The following KCNH8 variants were observed in gnomAD, a reference collection of about 807,000 sequenced individuals.
KCNH8 encodes voltage-gated delayed rectifier potassium channel KCNH8.
KCNH8 carries 70 observed loss-of-function variants against 103.6 expected under a neutral mutation model. That is an observed-to-expected ratio of 0.68 (90% CI 0.56 to 0.82). The LOEUF (loss-of-function observed/expected upper bound fraction) is 0.82. KCNH8 is among the 40% of genes least tolerant of loss of function. KCNH8 has a pLI of 0.00. For synonymous variants in KCNH8, 498 were observed against 489.4 expected, an observed-to-expected ratio of 1.02 and a Z score of -0.23; for missense variants, 1,217 against 1,329.9, an observed-to-expected ratio of 0.92 and a Z score of 1.32.
intron 1 of KCNH8, among the ~76,000 whole-genome samples, chr3:19,196,596 G>A (rs924464248): frequency 6.6e-6 from 1 of 151,960 alleles, no homozygotes; most frequent in Non-Finnish European, 1.5e-5. Flanking sequence ...GTGGAAAGTG[G>A]ATAGAAGTGC....
intron 7 of KCNH8, among the ~76,000 whole-genome samples, chr3:19,406,700 A>G (rs1159618903): frequency 6.6e-6 from 1 of 152,128 alleles, no homozygotes; most frequent in Non-Finnish European, 1.5e-5. Flanking sequence ...ACTGTAGCCC[A>G]TAGATGCACA....
chr3:19,366,420 T>C (rs2066011279), intron 5 of KCNH8, among the ~76,000 whole-genome samples: 2 of 152,084 alleles, frequency 1.3e-5, no homozygotes, highest in Non-Finnish European at 2.9e-5. Context: ...TTCTGCCTTA[T>C]GACATATATT....
intron 1 of KCNH8, among the ~76,000 whole-genome samples, chr3:19,200,047 T>C (rs961873548): frequency 6.6e-6 from 1 of 152,118 alleles, no homozygotes; most frequent in Non-Finnish European, 1.5e-5. Context: ...AATGAATTCC[T>C]AAGCCTGACA....
chr3:19,473,120 C>G (rs980082917), intron 11 of KCNH8, among the ~76,000 whole-genome samples: 1 of 152,126 alleles, frequency 6.6e-6, no homozygotes, highest in African/African-American at 2.4e-5. Context: ...AGAATAAAAT[C>G]AAGTCAAACT....
chr3:19,483,865 G>A (rs1380413303), intron 11 of KCNH8, among the ~76,000 whole-genome samples: 4 of 150,650 alleles, frequency 2.7e-5, no homozygotes, highest in African/African-American at 1.0e-4. Context: ...TACAGGAAGG[G>A]CCATTTTTTT....
At chr3:19,486,143 A>C (rs991758393) in intron 11 of KCNH8, among the ~76,000 whole-genome samples, 1 of 152,216 alleles carries the variant, frequency 6.6e-6, no homozygotes, top group Non-Finnish European at 1.5e-5. Context: ...TCCCATCTAC[A>C]TATAACTCCC....
At chr3:19,511,702 G>A (rs554488238) in intron 12 of KCNH8, among the ~76,000 whole-genome samples, 20 of 152,068 alleles carry the variant, frequency 1.3e-4, no homozygotes, top group African/African-American at 3.9e-4. Context: ...GTATGCCCTC[G>A]TCATTAATTA....
At chr3:19,512,216 T>A (rs2068794981) in intron 12 of KCNH8, among the ~76,000 whole-genome samples, 1 of 152,100 alleles carries the variant, frequency 6.6e-6, no homozygotes, top group Non-Finnish European at 1.5e-5. Flanking sequence ...GCCCTGGCCC[T>A]TCCATCATCA....
intron 3 of KCNH8, among the ~76,000 whole-genome samples, chr3:19,302,176 G>T (rs918694494): frequency 1.3e-5 from 2 of 152,064 alleles, no homozygotes; most frequent in African/African-American, 4.8e-5. Flanking sequence ...TCAAGTGATT[G>T]GTTCCTCTGG....
At chr3:19,412,979 A>C (rs2066804752) in intron 7 of KCNH8, among the ~76,000 whole-genome samples, 1 of 152,136 alleles carries the variant, frequency 6.6e-6, no homozygotes, top group South Asian at 2.1e-4. Flanking sequence ...AATTTAAAAC[A>C]GAACTACCAT....
At chr3:19,412,697 C>T (rs912802341) in intron 7 of KCNH8, among the ~76,000 whole-genome samples, 3 of 151,110 alleles carry the variant, frequency 2.0e-5, no homozygotes, top group African/African-American at 7.3e-5. Flanking sequence ...AAGCAAAAGA[C>T]AATTTAAAAA....
intron 2 of KCNH8, among the ~76,000 whole-genome samples, chr3:19,268,288 C>T (rs7645122): frequency 0.12 from 18,622 of 151,992 alleles, 3,585 homozygotes; most frequent in African/African-American, 0.41. Context: ...CAAGGAAAAC[C>T]TCATCAAGGA....
At chr3:19,358,700 A>G (rs1304787886) in intron 5 of KCNH8, among the ~76,000 whole-genome samples, 4 of 151,930 alleles carry the variant, frequency 2.6e-5, no homozygotes, top group African/African-American at 9.7e-5. Context: ...ATACATAGAA[A>G]CCAAAATTCT....
intron 1 of KCNH8, among the ~76,000 whole-genome samples, chr3:19,192,528 A>G (rs962853048): frequency 1.1e-4 from 17 of 151,672 alleles, no homozygotes; most frequent in Non-Finnish European, 1.8e-4. Context: ...TCTGCTTTAT[A>G]TCTTCCAGGA....
intron 1 of KCNH8, among the ~76,000 whole-genome samples, chr3:19,156,401 G>A (rs931783607): frequency 2.0e-5 from 3 of 152,092 alleles, no homozygotes; most frequent in African/African-American, 7.2e-5. Context: ...GTGGTTTGTG[G>A]TATCGTTTCT....
chr3:19,460,326 G>A lies in KCNH8; in HGVS notation c.2040+3344G>A, dbSNP rs189973642. On this transcript the variant is annotated intron_variant, in intron 11 of 15. Transcript: ENST00000328405. ...CCAGCCTCCATCTCCCCAACACCACGTGACTGCTGAAATCTCTATCCTGTA... is the reference window on the plus strand; with the variant it reads ...CCAGCCTCCATCTCCCCAACACCACATGACTGCTGAAATCTCTATCCTGTA... 4.6e-5 allele frequency among the ~76,000 whole-genome samples: 7 copies of A among 152,196 alleles called. No individual in the cohort carries two copies. In the East Asian group the frequency reaches 9.7e-4, roughly 21 times the overall value.
chr3:19,306,064 G>A (rs898624559), intron 3 of KCNH8, among the ~76,000 whole-genome samples: 4 of 152,080 alleles, frequency 2.6e-5, no homozygotes, highest in African/African-American at 9.7e-5. Context: ...AGAAATGGGA[G>A]GAGAGGATCT....
Position 19,414,538 on chromosome 3 carries a change from A to T in KCNH8, c.1177+19227A>T, listed in dbSNP as rs2066833733. Among the ~76,000 whole-genome samples the T allele has an allele frequency of 2.6e-5, 4 of 152,040 alleles. No individual in the cohort carries two copies. The South Asian group carries it at 8.3e-4, about 31-fold the overall frequency. Reference sequence around the variant, plus strand: ...TTCATGTGAAGAACTCAGGAAACAGATTTTTACATATTACATGATTCTTAT... The same window carrying T: ...TTCATGTGAAGAACTCAGGAAACAGTTTTTTACATATTACATGATTCTTAT... On this transcript the variant is annotated intron_variant, in intron 7 of 15. Coordinates refer to ENST00000328405, the MANE Select transcript of KCNH8 (RefSeq NM_144633.3).
At chr3:19,516,015 T>C (rs549358297) in intron 14 of KCNH8, among the ~76,000 whole-genome samples, 15 of 152,216 alleles carry the variant, frequency 9.9e-5, no homozygotes, top group African/African-American at 3.6e-4. Flanking sequence ...GTAAGAATGA[T>C]TCTGTCAACA....
Sources: allele counts gnomAD v4.1 joint callset (sites outside exome capture counted in the v4.1 genomes callset), GRCh38; gene constraint gnomAD v4.1.1; transcripts MANE v1.5; gene names NCBI Gene and HGNC (gene_info 2026-07-23, HGNC 2026-07-21).